Variants in AXL observed in about 807,000 individuals in gnomAD.
The protein encoded by AXL is tyrosine-protein kinase receptor UFO.
A neutral mutation model predicts 104.5 loss-of-function variants in AXL; 52 were observed. The observed-to-expected ratio is 0.50, with a 90% CI of 0.40 to 0.63. AXL has a LOEUF of 0.63. Among genes scored for constraint, AXL ranks in the 20% least tolerant of loss-of-function variants. The pLI is 0.00. For missense variants in AXL, 1,024 were observed against 1,188.5 expected, an observed-to-expected ratio of 0.86 and a Z score of 2.04; for synonymous variants, 455 against 473.7, an observed-to-expected ratio of 0.96 and a Z score of 0.51.
At chr19:41,248,149 C>A (rs1457871729) in intron 12 of AXL, among the ~76,000 whole-genome samples, 1 of 152,156 alleles carries the variant, frequency 6.6e-6, no homozygotes, top group Non-Finnish European at 1.5e-5. Context: ...GTCTTGAACT[C>A]CTGGACTCAA....
intron 17 of AXL, among the ~76,000 whole-genome samples, 171 bp downstream of exon 17, chr19:41,253,879 A>G (rs2034410446): frequency 6.6e-6 from 1 of 151,946 alleles, no homozygotes; most frequent in African/African-American, 2.4e-5. Flanking sequence ...GGAGGAGGTG[A>G]GTCCTGAACT....
At chr19:41,224,092 G>A (rs1428424697) in intron 4 of AXL, among the ~76,000 whole-genome samples, 1 of 152,006 alleles carries the variant, frequency 6.6e-6, no homozygotes, top group Admixed American at 6.6e-5. Flanking sequence ...CCGTGTGTGG[G>A]TGTCTGTGTG....
chr19:41,257,555 G>T lies in AXL; in HGVS notation c.2259G>T (p.Val753=). ...GAGGCCAAACCCCATATCCGGGCGT[G>T]GAGAACAGCGAGATTTATGACTATC... The part of the protein sequence containing the change: ...ATRGQTPYPG[V]ENSEIYDYLR... The change falls in exon 19 of 20, where the codon GTG becomes GTT. Residue 753 remains valine (V), a synonymous_variant. Transcript: ENST00000301178. The T allele has an allele frequency of 1.2e-6, 2 of 1,614,172 alleles. No homozygotes were observed. The highest frequency in any genetic ancestry group is 1.1e-5 in the South Asian group (1 of 91,080).
At chr19:41,250,963 A>G (rs1327270134) in intron 14 of AXL, among the ~76,000 whole-genome samples, 2 of 152,060 alleles carry the variant, frequency 1.3e-5, no homozygotes, top group Non-Finnish European at 2.9e-5. Context: ...GTTAAATGGG[A>G]TGATACTTGT....
At chr19:41,257,034 T>A (rs1018209734) in intron 18 of AXL, among the ~76,000 whole-genome samples, 6 of 152,092 alleles carry the variant, frequency 3.9e-5, no homozygotes, top group Non-Finnish European at 7.4e-5. Context: ...GTCAAGTATT[T>A]TTTATATATA....
chr19:41,253,113 A>C, intron 16 of AXL, 146 bp downstream of exon 16: 1 of 819,314 alleles, frequency 1.2e-6, no homozygotes. Flanking sequence ...GCGGATGATA[A>C]ACAAGCTAAT....
Position 41,222,023 on chromosome 19 carries a change from G to A in AXL, c.553G>A (p.Gly185Ser), listed in dbSNP as rs1471808174. The A allele has an allele frequency of 3.1e-6, 5 of 1,598,134 alleles. No individual in the cohort carries two copies. The South Asian group carries it at 5.6e-5, about 18-fold the overall frequency. ...QDAVPLATAP[G>S]HGPQRSLHVP... ...TGCTGTCCCCCTGGCCACGGCTCCA[G>A]GTCACGGCCCCCAGCGCAGCCTGCA... Residue 185 changes from glycine (G) to serine (S), a missense_variant, in exon 4 of 20, where the codon GGT (glycine) becomes AGT (serine). By Grantham distance (56) the Gly-to-Ser change is moderately conservative (BLOSUM62 0). Transcript: ENST00000301178.
rs2034472707 is a variant in AXL at position 41,257,501 on chromosome 19, CG to C, written c.2209del (p.Val737Ter). On this transcript the variant is annotated frameshift_variant, in exon 19 of 20. Transcript: ENST00000301178. LOFTEE classifies it high-confidence loss of function. Reference protein sequence around the residue: ...YTSKSDVWSFGVTMWEIATRG... With the variant: ...YTSKSDVWSFXVTMWEIATRG... The stretch of plus-strand genomic sequence containing the variant: ...CCCTCTGCCCCTCACAGTGGTCCTT[CG>C]GGGTGACAATGTGGGAGATTGCCAC... 5 of 1,613,946 alleles carry C rather than the reference CG, an allele frequency of 3.1e-6. No individual in the cohort carries two copies. The highest frequency in any genetic ancestry group is 1.3e-5 in the African/African-American group (1 of 74,890).
chr19:41,260,304 T>A lies in AXL; in HGVS notation c.*400T>A, dbSNP rs2034518940. 8.9e-5 allele frequency: 8 copies of A among 89,660 alleles called. No individual in the cohort carries two copies. Among genetic ancestry groups the A allele is most frequent in the East Asian group, 4.1e-4 (2 of 4,920 alleles). The allele number at this position is 89,660 out of a possible 1,614,324, so 5.6% of individuals were successfully genotyped here. A position where few individuals can be genotyped will look rare whatever the true frequency, so the allele number is the denominator to read the frequency against. ...GCTAAGGTTCTAAGGCCTACTTTTT[T>A]TTTTTTTTTTTTTTTTTTTTTTTTT... On this transcript the variant is annotated 3_prime_UTR_variant, in exon 20 of 20. Transcript: ENST00000301178.
chr19:41,243,710 A>G lies in AXL; in HGVS notation c.1537+3A>G. ...TCGTCGGACCACTGAAGCTACCTGTAAGTGAACCCTATGCCCCACTGCCCT... is the reference window on the plus strand; with the variant it reads ...TCGTCGGACCACTGAAGCTACCTGTGAGTGAACCCTATGCCCCACTGCCCT... On this transcript the variant is annotated splice_donor_region_variant and intron_variant, in intron 12 of 19. Coordinates refer to ENST00000301178, the MANE Select transcript of AXL (RefSeq NM_021913.5). 6.2e-7 allele frequency: 1 copy of G among 1,612,626 alleles called. No homozygotes were observed. Among genetic ancestry groups the G allele is most frequent in the Non-Finnish European group, 8.5e-7 (1 of 1,178,644 alleles).
chr19:41,226,874 G>T, intron 4 of AXL: 1 of 866,398 alleles, frequency 1.2e-6, no homozygotes, highest in African/African-American at 1.8e-5. Flanking sequence ...CGGGAGGATC[G>T]CTTGGGGCCA....
At chr19:41,222,087 T>C (rs780507800) in intron 4 of AXL, 31 bp downstream of exon 4, 21 of 1,492,672 alleles carry the variant, frequency 1.4e-5, no homozygotes, top group Non-Finnish European at 1.6e-5. Context: ...CAGCTCCGAA[T>C]AGGGGGCCGG....
Position 41,219,377 on chromosome 19 carries a change from G to A in AXL, c.-16G>A, listed in dbSNP as rs1208987452. 1.3e-6 allele frequency: 2 copies of A among 1,580,310 alleles called. No homozygotes were observed. Among genetic ancestry groups the A allele is most frequent in the African/African-American group, 2.7e-5 (2 of 74,208 alleles). Reference sequence around the variant, plus strand: ...CCGCTGGGAGCCCAACAACTTCTGAGGAAAGTTTGGCACCCATGGCGTGGC... The same window carrying A: ...CCGCTGGGAGCCCAACAACTTCTGAAGAAAGTTTGGCACCCATGGCGTGGC... On this transcript the variant is annotated 5_prime_UTR_variant, in exon 1 of 20. Transcript: ENST00000301178.
At chr19:41,254,508 G>A (rs1363006810) in intron 17 of AXL, among the ~76,000 whole-genome samples, 1 of 150,450 alleles carries the variant, frequency 6.6e-6, no homozygotes, top group East Asian at 1.9e-4. Flanking sequence ...TAACAACAAC[G>A]AGACACCATC....
At position 41,252,976 on chromosome 19, in the gene AXL, C is replaced by T. The variant is rs748483873; in HGVS notation, c.1926+9C>T. 5.0e-5 allele frequency: 81 copies of T among 1,613,598 alleles called. No individual in the cohort carries two copies. In the Admixed American group the frequency reaches 5.5e-4, roughly 11 times the overall value. ...TCGGGGACCAGCCAGTGGTAAGGGG[C>T]GTTTAATCATTCAGTCTACAAATAT... On this transcript the variant is annotated intron_variant, in intron 16 of 19. Transcript: ENST00000301178.
chr19:41,234,477 T>C (rs1435896098), intron 6 of AXL, among the ~76,000 whole-genome samples: 1 of 151,368 alleles, frequency 6.6e-6, no homozygotes, highest in Admixed American at 6.6e-5. Flanking sequence ...AAAAATTAGG[T>C]GGGGCTGTCA....
rs74440759 is a variant in AXL, at chr19:41,230,930, C to T, written c.587-37C>T. On this transcript the variant is annotated intron_variant, in intron 4 of 19. Transcript: ENST00000301178. ...TGGCCCCGGAGCCCTTCCTGCCCCT[C>T]TCTGATATTGGACCCTTCCCTCATA... 1,815 of 1,605,018 alleles carry T rather than the reference C, an allele frequency of 1.1e-3. 20 individuals carry two copies. In the African/African-American group the frequency reaches 0.022, roughly 19 times the overall value.
chr19:41,237,554 T>C (rs557069495), intron 6 of AXL, among the ~76,000 whole-genome samples: 2 of 152,288 alleles, frequency 1.3e-5, no homozygotes, highest in African/African-American at 4.8e-5. Context: ...ATTTGCGTTA[T>C]TATTGTCATC....
At chr19:41,220,019 G>A (rs754406065) in intron 1 of AXL, among the ~76,000 whole-genome samples, 2 of 151,772 alleles carry the variant, frequency 1.3e-5, no homozygotes, top group Non-Finnish European at 2.9e-5. Context: ...GTGGGTCTCT[G>A]TTTCTCTCTC....
Sources: gnomAD v4.1 joint callset for allele counts (sites outside exome capture counted in the v4.1 genomes callset) on GRCh38, gnomAD v4.1.1 for gene constraint, MANE v1.5 for transcripts, NCBI Gene and HGNC (gene_info 2026-07-23, HGNC 2026-07-21) for gene names.